Variants in ATP1A2 observed in about 807,000 individuals in gnomAD.
ATP1A2 encodes sodium/potassium-transporting ATPase subunit alpha-2.
In ATP1A2, 56 loss-of-function variants were observed where a neutral mutation model predicts 113.1. The observed-to-expected ratio is 0.49, with a 90% confidence interval of 0.40 to 0.62. The LOEUF (loss-of-function observed/expected upper bound fraction) is 0.62. Among genes scored for constraint, ATP1A2 ranks in the 20% least tolerant of loss-of-function variants. The pLI is 0.00. For missense variants in ATP1A2, 712 were observed against 1,357.8 expected, an observed-to-expected ratio of 0.52 and a Z score of 7.47; for synonymous variants, 490 against 526.8, an observed-to-expected ratio of 0.93 and a Z score of 0.96.
chr1:160,116,600 G>A (rs1374754184), intron 1 of ATP1A2, among the ~76,000 whole-genome samples: 1 of 152,112 alleles, frequency 6.6e-6, no homozygotes, highest in Non-Finnish European at 1.5e-5. Context: ...CCAAGAGGAA[G>A]ATTAACAACA....
At chr1:160,130,893 C>G (rs1651750865) in intron 13 of ATP1A2, among the ~76,000 whole-genome samples, 1 of 152,180 alleles carries the variant, frequency 6.6e-6, no homozygotes, top group Non-Finnish European at 1.5e-5. Context: ...TCTGGCACTC[C>G]TATCTTGAAG....
chr1:160,125,271 C>T lies in ATP1A2; in HGVS notation c.748+18C>T, dbSNP rs1311948495. On this transcript the variant is annotated intron_variant, in intron 7 of 22. Transcript: ENST00000361216. Reference sequence around the variant, plus strand: ...TGTTGAAGGTGAGAAGCCAGGCTGCCCCCTGTAGGAAAGAGTCTGAATCCT... The same window carrying T: ...TGTTGAAGGTGAGAAGCCAGGCTGCTCCCTGTAGGAAAGAGTCTGAATCCT... The T allele has an allele frequency of 6.3e-7, 1 of 1,596,414 alleles. No homozygotes were observed. The highest frequency in any genetic ancestry group is 8.6e-7 in the Non-Finnish European group (1 of 1,164,018).
chr1:160,117,035 C>T (rs1054840515), intron 1 of ATP1A2, among the ~76,000 whole-genome samples: 2 of 151,992 alleles, frequency 1.3e-5, no homozygotes, highest in Non-Finnish European at 2.9e-5. Context: ...TGGATGAGTA[C>T]CTGTGTTTGT....
rs916868993 is a variant in ATP1A2, at chr1:160,125,012, G to T, written c.631-124G>T. 22 of 792,498 alleles carry T rather than the reference G, an allele frequency of 2.8e-5. 1 individual carries two copies. Among genetic ancestry groups the T allele is most frequent in the African/African-American group, 2.4e-4 (14 of 59,392 alleles). 49.1% of individuals were successfully genotyped at this position (792,498 alleles called of 1,614,324 possible). A position where few individuals can be genotyped will look rare whatever the true frequency, so the allele number is the denominator to read the frequency against. On this transcript the variant is annotated intron_variant, in intron 6 of 22. Transcript: ENST00000361216. ...GAGTAATGCCATAAATATGTGATGA[G>T]GGCAAGTGTGACTTTGTTCCTCGTG...
chr1:160,136,751 G>A (rs760818719), intron 19 of ATP1A2, 36 bp downstream of exon 19: 2 of 1,614,192 alleles, frequency 1.2e-6, no homozygotes, highest in South Asian at 1.1e-5. Flanking sequence ...GCACATGTGT[G>A]AAGGTACGGG....
chr1:160,130,415 C>G lies in ATP1A2; in HGVS notation c.1652-7C>G, dbSNP rs200102433. The G allele has an allele frequency of 5.0e-4, 810 of 1,614,196 alleles. 10 individuals are homozygous for G. In the South Asian group the frequency reaches 7.9e-3, roughly 16 times the overall value. ...GGATCTCACTGATCCCTTCTGCCCC[C>G]CTTTAGGATTCTGTCAACTGAATCT... On this transcript the variant is annotated splice_polypyrimidine_tract_variant and splice_region_variant and intron_variant, in intron 12 of 22. Transcript: ENST00000361216.
Position 160,130,558 on chromosome 1 carries a change from G to A in ATP1A2, c.1788G>A (p.Val596=), listed in dbSNP as rs759173788. The A allele has an allele frequency of 6.2e-7, 1 of 1,614,212 alleles. No individual in the cohort carries two copies. Among genetic ancestry groups the A allele is most frequent in the South Asian group, 1.1e-5 (1 of 91,088 alleles). The change falls in exon 13 of 23, where the codon GTG becomes GTA. Residue 596 remains valine, a synonymous_variant. Coordinates refer to ENST00000361216, the MANE Select transcript of ATP1A2 (RefSeq NM_000702.4). The part of the protein sequence containing the change: ...MSMIDPPRAA[V]PDAVGKCRSA... The stretch of plus-strand genomic sequence containing the variant: ...TGATTGACCCTCCCCGGGCTGCTGT[G>A]CCAGATGCTGTGGGCAAGTGCCGAA...
chr1:160,130,954 AGGAT>A (rs1166887593), intron 13 of ATP1A2, among the ~76,000 whole-genome samples: 1 of 152,180 alleles, frequency 6.6e-6, no homozygotes, highest in African/African-American at 2.4e-5. Flanking sequence ...CTGTCAACTT[AGGAT>A]GGGATTAGCA....
At chr1:160,122,546 A>G (rs1473534123) in intron 3 of ATP1A2, among the ~76,000 whole-genome samples, 1 of 152,206 alleles carries the variant, frequency 6.6e-6, no homozygotes, top group Admixed American at 6.5e-5. Flanking sequence ...ATAGAACACC[A>G]TGGGGAACCA....
At chr1:160,123,643 C>T (rs1651493680) in intron 4 of ATP1A2, among the ~76,000 whole-genome samples, 1 of 152,266 alleles carries the variant, frequency 6.6e-6, no homozygotes, top group Non-Finnish European at 1.5e-5. Context: ...AACAATCTCT[C>T]CCTGTTCCTC....
chr1:160,125,710 T>C (rs1651566469), intron 7 of ATP1A2, among the ~76,000 whole-genome samples: 1 of 152,208 alleles, frequency 6.6e-6, no homozygotes, highest in South Asian at 2.1e-4. Flanking sequence ...AAGAAGGCAT[T>C]CTGGCCAGGT....
At chr1:160,121,395 A>G (rs1651393119) in intron 3 of ATP1A2, 144 bp downstream of exon 3, 1 of 965,412 alleles carries the variant, frequency 1.0e-6, no homozygotes, top group Non-Finnish European at 1.6e-6. Flanking sequence ...GCCCAAGGAC[A>G]TGCAGCTAGT....
chr1:160,137,376 A>T (rs1471836945), intron 20 of ATP1A2, among the ~76,000 whole-genome samples: 1 of 151,994 alleles, frequency 6.6e-6, no homozygotes. Flanking sequence ...TTCCGCAGGC[A>T]GTCTAGTTTA....
At position 160,129,076 on chromosome 1, in the gene ATP1A2, T is replaced by A. The variant is rs1003846681; in HGVS notation, c.1313T>A (p.Ile438Asn). 3 of 1,613,782 alleles carry A rather than the reference T, an allele frequency of 1.9e-6. No homozygotes were observed. Among genetic ancestry groups the A allele is most frequent in the Non-Finnish European group, 2.5e-6 (3 of 1,179,880 alleles). The change falls in exon 10 of 23, where the codon ATC (isoleucine) becomes AAC (asparagine). Residue 438 changes from isoleucine to asparagine, a missense_variant. Physicochemically the swap from Ile to Asn is moderately radical, Grantham distance 149. Around this residue, in one of 6 missense-constraint regions of ATP1A2, gnomAD observed 263 missense variants for 380.6 expected, o/e 0.69. Coordinates refer to ENST00000361216, the MANE Select transcript of ATP1A2 (RefSeq NM_000702.4). ...RAVFKAGQEN[I>N]SVSKRDTAGD... ...GTCTTCAAGGCAGGACAGGAGAACA[T>A]CTCCGTGTCTAAGGTAGGGGGTCAG...
At chr1:160,140,729 A>T (rs1652119001) in intron 22 of ATP1A2, 1 of 171,554 alleles carries the variant, frequency 5.8e-6, no homozygotes, top group South Asian at 1.4e-4. Context: ...CCCTCGACCT[A>T]TTCTGCCCCA....
In ATP1A2 at chr1:160,139,996, C is replaced by T. The variant is rs749010449; in HGVS notation, c.3034+12C>T. The T allele has an allele frequency of 1.9e-6, 3 of 1,612,676 alleles. No individual in the cohort carries two copies. The African/African-American group carries it at 4.0e-5, about 22-fold the overall frequency. On this transcript the variant is annotated intron_variant, in intron 22 of 22. Transcript: ENST00000361216. ...GCGGTATCCTGGTGGTAAGCCCCTC[C>T]ACATTCCCCCCAGCAAAGTGCAAGC...
intron 13 of ATP1A2, 22 bp downstream of exon 13, chr1:160,130,619 C>T (rs1308407640): frequency 1.9e-6 from 3 of 1,614,000 alleles, no homozygotes; most frequent in South Asian, 1.1e-5. Flanking sequence ...CCATCCTCCC[C>T]TCCATTCTAG....
Position 160,135,945 on chromosome 1 carries a change from A to G in ATP1A2, c.2391A>G (p.Leu797=), listed in dbSNP as rs780434387. The change falls in exon 17 of 23, where the codon CTA becomes CTG. Residue 797 remains leucine (L), a synonymous_variant. Coordinates refer to ENST00000361216, the MANE Select transcript of ATP1A2 (RefSeq NM_000702.4). This position sits in a 1 kb window ranked among gnomAD's most constrained non-coding sequence, Gnocchi z 6.3. ...FLLFIIANIP[L]PLGTVTILCI... ...TGTTCATCATTGCCAACATCCCCCT[A>G]CCTCTGGGCACTGTGACCATCCTTT... The G allele has an allele frequency of 5.6e-6, 9 of 1,612,984 alleles. No homozygotes were observed. In the East Asian group the frequency reaches 2.0e-4, roughly 36 times the overall value.
At chr1:160,124,669 T>C (rs1651527795) in intron 6 of ATP1A2, among the ~76,000 whole-genome samples, 1 of 152,244 alleles carries the variant, frequency 6.6e-6, no homozygotes, top group African/African-American at 2.4e-5. Context: ...TTAGCAATCA[T>C]GTATTGAATA....
Sources: allele counts gnomAD v4.1 joint callset (sites outside exome capture counted in the v4.1 genomes callset), GRCh38; gene constraint gnomAD v4.1.1; regional missense constraint gnomAD v4.1.1; non-coding constraint Gnocchi (gnomAD v3.1); transcripts MANE v1.5; gene names NCBI Gene and HGNC (gene_info 2026-07-23, HGNC 2026-07-21).